Variants in TENM2 observed in about 807,000 individuals in gnomAD.
TENM2 encodes the protein teneurin transmembrane protein 2.
TENM2 carries 52 observed loss-of-function variants against 245.2 expected under a neutral mutation model. That is an observed-to-expected ratio of 0.21 (90% confidence interval 0.17 to 0.27). TENM2 has a LOEUF of 0.27. TENM2 is among the 10% of genes least tolerant of loss of function. The probability of loss-of-function intolerance (pLI) is 1.00; values close to 1 mark genes in which losing one functional copy is unlikely to be tolerated. For missense variants in TENM2, 3,046 were observed against 3,666.8 expected (o/e 0.83, Z 4.37); for synonymous variants, 1,363 against 1,438.9 (o/e 0.95, Z 1.19).
At chr5:167,075,654 G>A in the TENM2 span, among the ~76,000 whole-genome samples, 2 of 152,164 alleles carry the variant, frequency 1.3e-5, no homozygotes, top group East Asian at 1.9e-4. Flanking sequence ...TTGCCGTCAT[G>A]TGATAGGGCA....
chr5:167,062,732 T>G, the TENM2 span, among the ~76,000 whole-genome samples: 1 of 152,148 alleles, frequency 6.6e-6, no homozygotes, highest in Non-Finnish European at 1.5e-5. Context: ...GAAAATAATT[T>G]CACATAGCAA....
At chr5:168,097,861 A>G (rs1048372161) in intron 8 of TENM2, among the ~76,000 whole-genome samples, 165 bp from the exon 11 acceptor site, 1 of 151,470 alleles carries the variant, frequency 6.6e-6, no homozygotes, top group Admixed American at 6.6e-5. Context: ...AGTCCCCACC[A>G]CTCCCTATTC....
chr5:168,219,203 C>T (rs1484776160), intron 23 of TENM2, among the ~76,000 whole-genome samples: 1 of 152,226 alleles, frequency 6.6e-6, no homozygotes, highest in African/African-American at 2.4e-5. Context: ...ATTGAGCATC[C>T]TCCCTACTAG....
chr5:167,834,435 T>A (rs1208309925), intron 2 of TENM2, among the ~76,000 whole-genome samples: 1 of 152,208 alleles, frequency 6.6e-6, no homozygotes, highest in African/African-American at 2.4e-5. Context: ...TAGGAAGTCT[T>A]CACTGCTGTA....
chr5:167,361,815 G>A (rs1470747427), intron 1 of TENM2, among the ~76,000 whole-genome samples: 3 of 152,160 alleles, frequency 2.0e-5, no homozygotes, highest in African/African-American at 4.8e-5. Context: ...GATAGTAATG[G>A]TTGTAAGGTC....
At chr5:167,033,882 T>G in the TENM2 span, among the ~76,000 whole-genome samples, 1 of 152,282 alleles carries the variant, frequency 6.6e-6, no homozygotes, top group Non-Finnish European at 1.5e-5. Flanking sequence ...CTCAATAAAT[T>G]TTTTAGGGGA....
chr5:168,205,255 G>C (rs995083750), intron 19 of TENM2, among the ~76,000 whole-genome samples: 1 of 151,928 alleles, frequency 6.6e-6, no homozygotes, highest in Non-Finnish European at 1.5e-5. Context: ...TAAGAAAGGG[G>C]CAAAATTTCA....
chr5:167,968,975 G>A (rs1781573591), intron 4 of TENM2, among the ~76,000 whole-genome samples: 1 of 152,176 alleles, frequency 6.6e-6, no homozygotes, highest in Non-Finnish European at 1.5e-5. Context: ...ATCCATACAA[G>A]GAGACATTGT....
the TENM2 span, among the ~76,000 whole-genome samples, chr5:167,176,434 A>C: frequency 6.6e-6 from 1 of 152,340 alleles, no homozygotes; most frequent in Admixed American, 6.5e-5. Context: ...TGGGCTGCAC[A>C]TTACAATAAC....
the TENM2 span, among the ~76,000 whole-genome samples, chr5:167,017,972 T>C: frequency 1.3e-5 from 2 of 152,108 alleles, no homozygotes; most frequent in African/African-American, 4.8e-5. Flanking sequence ...TCAAACAAAT[T>C]TGTCAACATA....
Position 168,247,026 on chromosome 5 carries a change from A to C in TENM2, c.6087A>C (p.Ser2029=), listed in dbSNP as rs1766637513. ...AGTATGGGAAACTCTCCAAGTTATC[A>C]GAGATTGTCTACGACAGTACCGCCG... The change falls in exon 27 of 29, where the codon TCA becomes TCC. Residue 2029 remains serine, a synonymous_variant. Coordinates refer to ENST00000518659, the Ensembl canonical transcript of TENM2. The surrounding 1 kb of genome is among the most constrained non-coding windows in gnomAD (Gnocchi z 7.8). 1.2e-6 allele frequency: 2 copies of C among 1,614,020 alleles called. No individual in the cohort carries two copies. The highest frequency in any genetic ancestry group is 1.7e-5 in the Admixed American group (1 of 60,020).
At chr5:167,532,307 C>T (rs2053059) in intron 2 of TENM2, among the ~76,000 whole-genome samples, 45,018 of 151,546 alleles carry the variant, frequency 0.3, 10,828 homozygotes, top group East Asian at 0.66. Flanking sequence ...CTCTCTCTCT[C>T]TTTTTATATA....
chr5:167,515,717 GTGCAGTGGT>G (rs1770334760), intron 2 of TENM2, among the ~76,000 whole-genome samples: 1 of 87,198 alleles, frequency 1.1e-5, no homozygotes, highest in Non-Finnish European at 2.6e-5. Context: ...CCAGACTGGA[GTGCAGTGGT>G]GCCATCTTGG....
At chr5:167,940,884 T>G (rs1779122143) in intron 3 of TENM2, among the ~76,000 whole-genome samples, 1 of 152,184 alleles carries the variant, frequency 6.6e-6, no homozygotes, top group Non-Finnish European at 1.5e-5. Context: ...TCAAATATCA[T>G]CTTATCGAGA....
intron 2 of TENM2, among the ~76,000 whole-genome samples, chr5:167,816,005 TG>T (rs1767026798): frequency 6.6e-6 from 1 of 151,500 alleles, no homozygotes; most frequent in Admixed American, 6.6e-5. Flanking sequence ...TGTGTGTGTG[TG>T]TGTGTTTCTC....
At chr5:167,426,689 T>TCTATCAAAA (rs1158634446) in intron 2 of TENM2, among the ~76,000 whole-genome samples, 1 of 152,222 alleles carries the variant, frequency 6.6e-6, no homozygotes, top group Non-Finnish European at 1.5e-5. Context: ...ATCTGTCAGA[T>TCTATCAAAA]CTATCAAAAC....
At chr5:167,333,181 G>A (rs1250053442) in intron 1 of TENM2, among the ~76,000 whole-genome samples, 1 of 152,166 alleles carries the variant, frequency 6.6e-6, no homozygotes, top group African/African-American at 2.4e-5. Flanking sequence ...TTCCATAACA[G>A]GAAAACTAGG....
chr5:168,196,866 T>C (rs912853618), intron 15 of TENM2, among the ~76,000 whole-genome samples: 1 of 152,190 alleles, frequency 6.6e-6, no homozygotes, highest in Non-Finnish European at 1.5e-5. Flanking sequence ...TTCCCTTTCT[T>C]CTGCATCCCT....
At chr5:167,041,819 G>A in the TENM2 span, among the ~76,000 whole-genome samples, 1 of 152,162 alleles carries the variant, frequency 6.6e-6, no homozygotes, top group Non-Finnish European at 1.5e-5. Context: ...AAGGGCACAA[G>A]TGGTCCATGC....
Sources: gnomAD v4.1 joint callset for allele counts (sites outside exome capture counted in the v4.1 genomes callset) on GRCh38, gnomAD v4.1.1 for gene constraint, Gnocchi (gnomAD v3.1) non-coding constraint, MANE v1.5 for transcripts, NCBI Gene and HGNC (gene_info 2026-07-23, HGNC 2026-07-21) for gene names.